DOCK9: variants seen among roughly 807,000 people sequenced by gnomAD.
DOCK9 encodes the protein dedicator of cytokinesis protein 9.
A neutral mutation model predicts 263.3 loss-of-function variants in DOCK9; 89 were observed. The ratio of observed to expected loss-of-function variants is 0.34; its 90% CI spans 0.28 to 0.40. The LOEUF is 0.40. Ranked by LOEUF, DOCK9 falls within the 10% of genes least tolerant of loss-of-function variation. DOCK9 has a pLI of 1.00. For synonymous variants in DOCK9, 976 were observed against 973.1 expected (o/e 1.00, Z -0.06); for missense variants, 2,140 against 2,603.4 (o/e 0.82, Z 3.87).
At chr13:98,902,830 A>G (rs1181948061) in intron 11 of DOCK9, 142 bp downstream of exon 11, 2 of 879,602 alleles carry the variant, frequency 2.3e-6, no homozygotes. Flanking sequence ...CTTGCAGGCT[A>G]ACAACCTCCA....
At chr13:98,842,622 A>G (rs1277034934) in intron 38 of DOCK9, among the ~76,000 whole-genome samples, 2 of 152,188 alleles carry the variant, frequency 1.3e-5, no homozygotes, top group African/African-American at 4.8e-5. Context: ...CTAAGTTTTC[A>G]CCTCATAATG....
intron 1 of DOCK9, among the ~76,000 whole-genome samples, chr13:99,050,681 T>C (rs2040650829): frequency 6.6e-6 from 1 of 152,094 alleles, no homozygotes; most frequent in Non-Finnish European, 1.5e-5. Flanking sequence ...CATGCGAGAC[T>C]CCGTCTCTAA....
At chr13:99,043,052 A>G (rs894361281) in intron 1 of DOCK9, among the ~76,000 whole-genome samples, 13 of 152,036 alleles carry the variant, frequency 8.6e-5, no homozygotes, top group Non-Finnish European at 2.9e-5. Context: ...GGCACATGGC[A>G]CCACCTAGAC....
At chr13:98,815,059 AGTCCAGTAT>A (rs2091721697) in intron 45 of DOCK9, among the ~76,000 whole-genome samples, 1 of 152,214 alleles carries the variant, frequency 6.6e-6, no homozygotes. Context: ...CACACTGGGT[AGTCCAGTAT>A]CTATTGGACG....
intron 7 of DOCK9, among the ~76,000 whole-genome samples, chr13:98,918,967 T>C (rs1412147022): frequency 1.3e-5 from 2 of 152,094 alleles, no homozygotes; most frequent in African/African-American, 4.8e-5. Flanking sequence ...GCACAGGAAA[T>C]CATGCAATGA....
intron 15 of DOCK9, among the ~76,000 whole-genome samples, chr13:98,894,599 G>A (rs750056393): frequency 5.9e-5 from 9 of 151,960 alleles, no homozygotes; most frequent in East Asian, 1.9e-4. Flanking sequence ...GTAGTTGAGC[G>A]AAGGAAAATA....
intron 32 of DOCK9, among the ~76,000 whole-genome samples, chr13:98,862,545 C>T (rs1389708007): frequency 1.3e-5 from 2 of 151,950 alleles, no homozygotes; most frequent in Non-Finnish European, 2.9e-5. Flanking sequence ...AAAAATTGGC[C>T]GGATGTGGTG....
intron 1 of DOCK9, among the ~76,000 whole-genome samples, chr13:99,060,271 G>T (rs9517579): frequency 0.28 from 42,167 of 151,188 alleles, 6,233 homozygotes; most frequent in East Asian, 0.43. Context: ...TAGAGACGGG[G>T]TTTCACCGTG....
intron 5 of DOCK9, 34 bp downstream of exon 5, chr13:98,923,268 T>C (rs1566974961): frequency 1.3e-6 from 2 of 1,594,440 alleles, no homozygotes. Flanking sequence ...AAATCTAGAG[T>C]GAAAAGAGAA....
chr13:98,804,893 A>C, intron 49 of DOCK9, 106 bp downstream of exon 49: 1 of 1,160,354 alleles, frequency 8.6e-7, no homozygotes, highest in Non-Finnish European at 1.2e-6. Flanking sequence ...GGGGGTGGCT[A>C]ACTGAGCTCG....
intron 30 of DOCK9, among the ~76,000 whole-genome samples, chr13:98,865,419 C>T (rs1188905736): frequency 2.0e-5 from 3 of 151,910 alleles, no homozygotes; most frequent in African/African-American, 7.3e-5. Context: ...TTATAGCACA[C>T]GAATAGACTA....
chr13:99,071,744 T>C (rs2041690319), intron 1 of DOCK9, among the ~76,000 whole-genome samples: 1 of 152,334 alleles, frequency 6.6e-6, no homozygotes, highest in Middle Eastern at 3.4e-3. Context: ...AATGTTTCTA[T>C]ATAGTACCAA....
intron 3 of DOCK9, among the ~76,000 whole-genome samples, chr13:98,927,493 C>T (rs1372720373): frequency 6.6e-6 from 1 of 152,132 alleles, no homozygotes; most frequent in African/African-American, 2.4e-5. Flanking sequence ...ATTGTACCAC[C>T]AAGTCTCCTG....
At chr13:99,019,253 C>T (rs1312305527) in intron 1 of DOCK9, among the ~76,000 whole-genome samples, 2 of 151,942 alleles carry the variant, frequency 1.3e-5, no homozygotes, top group Admixed American at 6.6e-5. Context: ...TCATTGCTAG[C>T]GGGTATGAGG....
chr13:98,859,621 T>C (rs1221535783), intron 33 of DOCK9: 5 of 152,126 alleles, frequency 3.3e-5, no homozygotes, highest in African/African-American at 1.2e-4. Flanking sequence ...GTCTAGCCAC[T>C]AGCCATAGTA....
intron 52 of DOCK9, 110 bp from the exon 53 acceptor site, chr13:98,794,858 T>C: frequency 1.6e-6 from 2 of 1,250,102 alleles, no homozygotes; most frequent in Non-Finnish European, 2.3e-6. Context: ...TGTTACAGAG[T>C]TTAAGGCAAT....
intron 30 of DOCK9, 51 bp from the exon 31 acceptor site, chr13:98,863,599 G>C: frequency 6.6e-7 from 1 of 1,525,438 alleles, no homozygotes; most frequent in Non-Finnish European, 8.9e-7. Context: ...AATGCTCTTT[G>C]AATAAAACAA....
At chr13:98,977,738 C>T (rs1357579934) in intron 1 of DOCK9, 46 bp downstream of exon 1, 2 of 1,595,000 alleles carry the variant, frequency 1.3e-6, no homozygotes, top group Admixed American at 1.7e-5. Context: ...CAATAAGAAC[C>T]CAGCATTGGG....
intron 9 of DOCK9, among the ~76,000 whole-genome samples, chr13:98,912,640 C>T (rs2050243048): frequency 6.6e-6 from 1 of 151,622 alleles, no homozygotes; most frequent in Non-Finnish European, 1.5e-5. Context: ...AAAAAATCTC[C>T]CTAGGTCTTG....
Sources: gnomAD v4.1 joint callset for allele counts (sites outside exome capture counted in the v4.1 genomes callset) on GRCh38, gnomAD v4.1.1 for gene constraint, MANE v1.5 for transcripts, NCBI Gene and HGNC (gene_info 2026-07-23, HGNC 2026-07-21) for gene names.